MTMR14: variants seen among roughly 807,000 people sequenced by gnomAD.
The protein encoded by MTMR14 is myotubularin related protein 14, also known as phosphatidylinositol-3,5-bisphosphate 3-phosphatase MTMR14.
A neutral mutation model predicts 86.3 loss-of-function variants in MTMR14; 48 were observed. The observed-to-expected ratio is 0.56, with a 90% CI of 0.44 to 0.71. The LOEUF (loss-of-function observed/expected upper bound fraction) is 0.71, where lower values mean the gene tolerates loss of function less well. MTMR14 is among the 30% of genes least tolerant of loss of function. The probability of loss-of-function intolerance (pLI) is 0.00; values close to 1 mark genes in which losing one functional copy is unlikely to be tolerated. For missense variants in MTMR14, 780 were observed against 834.6 expected, an observed-to-expected ratio of 0.93 and a Z score of 0.81; for synonymous variants, 366 against 326.1, an observed-to-expected ratio of 1.12 and a Z score of -1.32.
rs115607360 is a variant in MTMR14 at position 9,685,234 on chromosome 3, G to A, written c.1151G>A (p.Ser384Asn). 9.5e-5 allele frequency: 154 copies of A among 1,614,122 alleles called. No individual in the cohort carries two copies. In the African/African-American group the frequency reaches 1.7e-3, roughly 18 times the overall value. ...AGGCACATGTTGGTAGATCGGCTCA[G>A]CAAAGGGGAGGAGGTGAGTATACCA... ...LFGHMLVDRLSKGEEIFFFCF... is the reference protein window; with the variant it reads ...LFGHMLVDRLNKGEEIFFFCF... The change falls in exon 13 of 19, where the codon AGC becomes AAC. Residue 384 changes from serine to asparagine, a missense_variant. Transcript: ENST00000296003.
At chr3:9,689,183 A>C in intron 16 of MTMR14, 101 bp downstream of exon 16, 1 of 1,520,414 alleles carries the variant, frequency 6.6e-7, no homozygotes, top group Non-Finnish European at 8.9e-7. Flanking sequence ...CAGGCCCCCA[A>C]GAGAAGAGCT....
chr3:9,656,212 G>A (rs1445835789), intron 2 of MTMR14, among the ~76,000 whole-genome samples: 1 of 151,744 alleles, frequency 6.6e-6, no homozygotes, highest in Non-Finnish European at 1.5e-5. Context: ...AAAAAAAAAA[G>A]AGTGCCCATT....
chr3:9,674,037 C>G (rs186868881), intron 7 of MTMR14, among the ~76,000 whole-genome samples: 99 of 152,194 alleles, frequency 6.5e-4, no homozygotes, highest in Middle Eastern at 6.8e-3. Context: ...CTAAGGGGGT[C>G]CACACTGGAA....
At position 9,649,699 on chromosome 3, in the gene MTMR14, C is replaced by T. The variant is rs1403119302; in HGVS notation, c.116C>T (p.Thr39Ile). The change falls in exon 1 of 19, where the codon ACT becomes ATT. Residue 39 changes from threonine to isoleucine, a missense_variant. Physicochemically the swap from Thr to Ile is moderately conservative, Grantham distance 89 (BLOSUM62 -1). Coordinates refer to ENST00000296003, the MANE Select transcript of MTMR14 (RefSeq NM_001077525.3). ...GAGCTGCTGGAGGAGTTCTCCCGGA[C>T]TCAGTACCGGGCCAAGGATGGCAGC... ...LGELLEEFSR[T>I]QYRAKDGSGT... The T allele has an allele frequency of 1.9e-6, 3 of 1,612,402 alleles. No homozygotes were observed. The highest frequency in any genetic ancestry group is 2.5e-6 in the Non-Finnish European group (3 of 1,179,480).
intron 9 of MTMR14, among the ~76,000 whole-genome samples, chr3:9,681,032 A>T (rs2075751589): frequency 6.6e-6 from 1 of 152,278 alleles, no homozygotes; most frequent in South Asian, 2.1e-4. Flanking sequence ...AGCATCCTAG[A>T]GGTCCCCTTT....
At chr3:9,689,630 AT>A (rs942426570) in intron 16 of MTMR14, among the ~76,000 whole-genome samples, 29 of 152,296 alleles carry the variant, frequency 1.9e-4, no homozygotes, top group Admixed American at 1.8e-3. Flanking sequence ...GGAGTTTGAG[AT>A]CAGTCTGGGC....
chr3:9,690,313 T>C (rs2076099228), intron 17 of MTMR14, among the ~76,000 whole-genome samples, 170 bp downstream of exon 17: 1 of 152,156 alleles, frequency 6.6e-6, no homozygotes, highest in Non-Finnish European at 1.5e-5. Context: ...AAGGGCTGAT[T>C]TGTAGAGTGG....
At chr3:9,676,397 C>G (rs1253221014) in intron 7 of MTMR14, among the ~76,000 whole-genome samples, 2 of 152,258 alleles carry the variant, frequency 1.3e-5, no homozygotes, top group African/African-American at 2.4e-5. Flanking sequence ...TTCTCTCTGA[C>G]CAAGGCAGCC....
chr3:9,657,433 C>A (rs1370463847), intron 2 of MTMR14, among the ~76,000 whole-genome samples: 1 of 152,050 alleles, frequency 6.6e-6, no homozygotes, highest in Admixed American at 6.6e-5. Flanking sequence ...AGTGTTGATC[C>A]CTTAAAGAGA....
At chr3:9,696,368 G>A (rs2076282311) in intron 17 of MTMR14, among the ~76,000 whole-genome samples, 1 of 152,258 alleles carries the variant, frequency 6.6e-6, no homozygotes, top group East Asian at 1.9e-4. Context: ...GCCGGGCATG[G>A]TGGCGGGCGT....
intron 10 of MTMR14, 72 bp downstream of exon 10, chr3:9,683,316 T>A (rs41277465): frequency 0.016 from 23,409 of 1,430,126 alleles, 208 homozygotes; most frequent in Non-Finnish European, 0.02. Context: ...CTGCCTCAAC[T>A]GTATGTTTGT....
chr3:9,684,798 C>T (rs2075883816), intron 11 of MTMR14, 90 bp from the exon 12 acceptor site: 5 of 1,548,458 alleles, frequency 3.2e-6, no homozygotes, highest in South Asian at 2.2e-5. Flanking sequence ...TCCGGGTGTT[C>T]TTCAGCCTGC....
At chr3:9,662,445 G>C (rs1238495316) in intron 3 of MTMR14, 70 bp downstream of exon 3, 11 of 1,337,038 alleles carry the variant, frequency 8.2e-6, no homozygotes, top group African/African-American at 1.4e-5. Flanking sequence ...GCAAAGTATA[G>C]GGTCTTTTTT....
intron 3 of MTMR14, among the ~76,000 whole-genome samples, chr3:9,667,315 A>G (rs939759103): frequency 2.6e-5 from 4 of 151,926 alleles, no homozygotes; most frequent in South Asian, 4.1e-4. Flanking sequence ...CATCCACTTT[A>G]CTCCTCACTG....
chr3:9,688,032 A>G, intron 14 of MTMR14, 141 bp downstream of exon 14: 1 of 757,430 alleles, frequency 1.3e-6, no homozygotes. Context: ...CTTCGCTCTG[A>G]GGCCAGGGTA....
intron 1 of MTMR14, chr3:9,650,586 C>T (rs1018837440): frequency 3.2e-6 from 1 of 308,742 alleles, no homozygotes; most frequent in African/African-American, 2.2e-5. Flanking sequence ...CCAGGGAAGA[C>T]TTCAGTAAGG....
intron 16 of MTMR14, 25 bp downstream of exon 16, chr3:9,689,107 G>A: frequency 6.2e-7 from 1 of 1,605,776 alleles, no homozygotes; most frequent in South Asian, 1.1e-5. Flanking sequence ...TTGGACCAAG[G>A]TCACTCACAG....
chr3:9,675,455 A>G, intron 7 of MTMR14: 1 of 397,318 alleles, frequency 2.5e-6, no homozygotes, highest in Non-Finnish European at 5.1e-6. Context: ...TGAGGCTCAT[A>G]CAGGTACTCA....
chr3:9,700,192 G>T (rs1265787450), intron 18 of MTMR14: 2 of 152,216 alleles, frequency 1.3e-5, no homozygotes, highest in Non-Finnish European at 2.9e-5. Flanking sequence ...TCATTGAGCC[G>T]TTGGGATTGG....
Sources: gnomAD v4.1 joint callset for allele counts (sites outside exome capture counted in the v4.1 genomes callset) on GRCh38, gnomAD v4.1.1 for gene constraint, MANE v1.5 for transcripts, NCBI Gene and HGNC (gene_info 2026-07-23, HGNC 2026-07-21) for gene names.